SPATA13: variants seen among roughly 807,000 people sequenced by gnomAD.
The protein encoded by SPATA13 is spermatogenesis-associated protein 13.
SPATA13 carries 50 observed loss-of-function variants against 104.0 expected under a neutral mutation model. The observed-to-expected ratio is 0.48, with a 90% confidence interval of 0.38 to 0.61. SPATA13 has a LOEUF of 0.61. Ranked by LOEUF, SPATA13 falls within the 20% of genes least tolerant of loss-of-function variation. The pLI is 0.00. For missense variants in SPATA13, 1,524 were observed against 1,690.6 expected (o/e 0.90, Z 1.73); for synonymous variants, 606 against 667.5 (o/e 0.91, Z 1.42).
At chr13:24,281,432 C>T (rs1209059002) in intron 4 of SPATA13, among the ~76,000 whole-genome samples, 1 of 152,194 alleles carries the variant, frequency 6.6e-6, no homozygotes, top group African/African-American at 2.4e-5. Flanking sequence ...GAGCTCTCCC[C>T]TGGCTTCCAT....
At chr13:24,256,888 G>T (rs1327950976) in intron 4 of SPATA13, among the ~76,000 whole-genome samples, 1 of 152,230 alleles carries the variant, frequency 6.6e-6, no homozygotes, top group Non-Finnish European at 1.5e-5. Flanking sequence ...GTTGGGGATG[G>T]TGTTTGTGGC....
chr13:24,278,708 T>G, intron 4 of SPATA13: 1 of 1,562,024 alleles, frequency 6.4e-7, no homozygotes, highest in East Asian at 2.3e-5. Context: ...GAGATGGGTT[T>G]TATCATCCAC....
In SPATA13 at chr13:24,080,203, C is replaced by T. The variant is rs143588824; in HGVS notation, c.-112+62502C>T. Among the ~76,000 whole-genome samples, 1,134 of 152,330 alleles carry T rather than the reference C, an allele frequency of 7.4e-3. 7 individuals are homozygous for T. Among genetic ancestry groups the T allele is most frequent in the Middle Eastern group, 0.024 (7 of 294 alleles). ...TCTTTGCCATAAAAGGATTCTTCTCCTTCACATGACCGTATGTCAAAACAG... is the reference window on the plus strand; with the variant it reads ...TCTTTGCCATAAAAGGATTCTTCTCTTTCACATGACCGTATGTCAAAACAG... On this transcript the variant is annotated intron_variant, in intron 3 of 14. Transcript: ENST00000424834.
At chr13:24,009,434 A>G (rs1876372023) in intron 2 of SPATA13, among the ~76,000 whole-genome samples, 1 of 152,220 alleles carries the variant, frequency 6.6e-6, no homozygotes, top group Non-Finnish European at 1.5e-5. Flanking sequence ...TCCTGAGAAC[A>G]TGTGCCCTAG....
At chr13:24,135,051 G>C (rs1016446993) in intron 3 of SPATA13, among the ~76,000 whole-genome samples, 5 of 152,128 alleles carry the variant, frequency 3.3e-5, no homozygotes, top group African/African-American at 4.8e-5. Context: ...AGAAAAGACA[G>C]GGATAGATTC....
intron 2 of SPATA13, among the ~76,000 whole-genome samples, chr13:24,013,029 C>G (rs1254807779): frequency 2.0e-5 from 3 of 152,154 alleles, no homozygotes; most frequent in East Asian, 1.9e-4. Flanking sequence ...TGTGAGCTTT[C>G]CAAGGGCCCA....
chr13:24,043,027 T>C (rs60013392), intron 3 of SPATA13, among the ~76,000 whole-genome samples: 2,060 of 152,294 alleles, frequency 0.014, 58 homozygotes, highest in African/African-American at 0.047. Context: ...ATAATGCCAG[T>C]ATTGGCTCAG....
chr13:24,276,302 A>T (rs1874978514), intron 4 of SPATA13, among the ~76,000 whole-genome samples: 1 of 152,250 alleles, frequency 6.6e-6, no homozygotes, highest in Admixed American at 6.5e-5. Context: ...TGCTAACCAA[A>T]CAATGGAATA....
At chr13:24,201,615 G>A (rs1193173246) in intron 1 of SPATA13, among the ~76,000 whole-genome samples, 2 of 152,006 alleles carry the variant, frequency 1.3e-5, no homozygotes, top group Admixed American at 1.3e-4. Context: ...TAATTTTTGT[G>A]TTTTTAGTAG....
intron 1 of SPATA13, among the ~76,000 whole-genome samples, chr13:24,214,239 A>C (rs1871172148): frequency 6.6e-6 from 1 of 152,230 alleles, no homozygotes; most frequent in South Asian, 2.1e-4. Context: ...CTGCACCTCC[A>C]TAGACACTTT....
chr13:24,096,708 A>G (rs1215911421), intron 3 of SPATA13, among the ~76,000 whole-genome samples: 1 of 152,162 alleles, frequency 6.6e-6, no homozygotes, highest in Non-Finnish European at 1.5e-5. Flanking sequence ...GGAGTCACCT[A>G]AGAACAGAGG....
intron 1 of SPATA13, among the ~76,000 whole-genome samples, chr13:24,167,546 A>G (rs1882792129): frequency 6.6e-6 from 1 of 152,222 alleles, no homozygotes; most frequent in Admixed American, 6.5e-5. Flanking sequence ...CTGAACAGCC[A>G]GGTTCTAAAA....
At chr13:24,127,398 G>A (rs1442191790) in intron 3 of SPATA13, among the ~76,000 whole-genome samples, 1 of 152,194 alleles carries the variant, frequency 6.6e-6, no homozygotes, top group Non-Finnish European at 1.5e-5. Flanking sequence ...TCTCCCTCCA[G>A]TTCCCTGCCT....
In SPATA13 at chr13:24,122,805, T is replaced by C. The variant is rs375179593; in HGVS notation, c.-111-100014T>C. 1.3e-4 allele frequency: 98 copies of C among 777,830 alleles called. 1 individual carries two copies. The African/African-American group carries it at 1.6e-3, about 13-fold the overall frequency. 48.2% of individuals were successfully genotyped at this position (777,830 alleles called of 1,614,324 possible). On this transcript the variant is annotated intron_variant, in intron 3 of 14. Coordinates refer to the SPATA13 transcript ENST00000424834. ...CTGCCACATCTGTGGAGACTCTCGTTGTCATGTCAAACTGTGCACTAAAGA... is the reference window on the plus strand; with the variant it reads ...CTGCCACATCTGTGGAGACTCTCGTCGTCATGTCAAACTGTGCACTAAAGA...
chr13:24,131,995 A>G (rs1354138205), intron 3 of SPATA13, among the ~76,000 whole-genome samples: 1 of 152,188 alleles, frequency 6.6e-6, no homozygotes, highest in Admixed American at 6.5e-5. Context: ...GCTAGGGTTG[A>G]CTGTGTGACC....
At chr13:24,261,436 CT>C (rs1002822324) in intron 4 of SPATA13, among the ~76,000 whole-genome samples, 22 of 152,052 alleles carry the variant, frequency 1.4e-4, no homozygotes, top group African/African-American at 5.3e-4. Context: ...TTGTGAAGCT[CT>C]GATTTTGAGG....
intron 3 of SPATA13, among the ~76,000 whole-genome samples, chr13:24,044,449 T>C (rs1878058517): frequency 6.6e-6 from 1 of 152,098 alleles, no homozygotes; most frequent in Admixed American, 6.5e-5. Flanking sequence ...GCCAAGATGA[T>C]CTCGATCTTT....
chr13:24,108,130 C>T (rs546426469), intron 3 of SPATA13, among the ~76,000 whole-genome samples: 3 of 152,260 alleles, frequency 2.0e-5, no homozygotes, highest in Admixed American at 6.5e-5. Context: ...TGCCATCGCC[C>T]GGCTGCAGGG....
At chr13:24,014,255 T>G (rs1314508844) in intron 2 of SPATA13, among the ~76,000 whole-genome samples, 1 of 152,162 alleles carries the variant, frequency 6.6e-6, no homozygotes, top group Non-Finnish European at 1.5e-5. Flanking sequence ...CCCTTTCCAT[T>G]AGGACACAAG....
Sources: gnomAD v4.1 joint callset for allele counts (sites outside exome capture counted in the v4.1 genomes callset) on GRCh38, gnomAD v4.1.1 for gene constraint, MANE v1.5 for transcripts, NCBI Gene and HGNC (gene_info 2026-07-23, HGNC 2026-07-21) for gene names.